CSNK1G1: variants seen among roughly 807,000 people sequenced by gnomAD.
CSNK1G1 encodes casein kinase 1 gamma 1.
Under a neutral mutation model 59.6 loss-of-function variants are expected in CSNK1G1, and 22 were observed. The ratio of observed to expected loss-of-function variants is 0.37; its 90% CI spans 0.26 to 0.53. CSNK1G1 has a LOEUF of 0.53. Among genes scored for constraint, CSNK1G1 ranks in the 20% least tolerant of loss-of-function variants. CSNK1G1 has a pLI of 0.89. For missense variants in CSNK1G1, 384 were observed against 519.5 expected (o/e 0.74, Z 2.54); for synonymous variants, 179 against 177.1 (o/e 1.01, Z -0.08).
intron 2 of CSNK1G1, among the ~76,000 whole-genome samples, chr15:64,261,017 A>G (rs963492035): frequency 1.3e-5 from 2 of 152,208 alleles, no homozygotes; most frequent in Non-Finnish European, 2.9e-5. Context: ...CAAGTCAAAA[A>G]TAGGCATTTC....
At chr15:64,331,836 AAAC>A (rs1897125750) in intron 1 of CSNK1G1, among the ~76,000 whole-genome samples, 1 of 150,250 alleles carries the variant, frequency 6.7e-6, no homozygotes, top group South Asian at 2.1e-4. Context: ...TACAAGAAAA[AAAC>A]AACCCCATCA....
intron 1 of CSNK1G1, among the ~76,000 whole-genome samples, chr15:64,315,044 A>C (rs1896198127): frequency 6.6e-6 from 1 of 152,224 alleles, no homozygotes; most frequent in Non-Finnish European, 1.5e-5. Context: ...TTTTTTGACA[A>C]ACCTCCATAC....
Position 64,200,597 on chromosome 15 carries a change from C to T in CSNK1G1, c.1107+2485G>A, listed in dbSNP as rs12906716. On this transcript the variant is annotated intron_variant, in intron 10 of 11. Coordinates refer to ENST00000303052, the MANE Select transcript of CSNK1G1 (RefSeq NM_022048.5). This position sits in a 1 kb window ranked among gnomAD's most constrained non-coding sequence, Gnocchi z 4.3. ...CTGACCTCAGGTGATCGACCCGCCT[C>T]GGCCTCCCAAAGTGCTGGGATTACA... 2.0e-5 allele frequency among the ~76,000 whole-genome samples: 3 copies of T among 152,184 alleles called. No individual in the cohort carries two copies. The highest frequency in any genetic ancestry group is 4.4e-5 in the Non-Finnish European group (3 of 68,036).
intron 1 of CSNK1G1, among the ~76,000 whole-genome samples, chr15:64,304,269 G>C (rs1465199881): frequency 6.6e-6 from 1 of 150,866 alleles, no homozygotes; most frequent in African/African-American, 2.4e-5. Flanking sequence ...TGTAATCCCA[G>C]CTACTTGGGT....
intron 4 of CSNK1G1, among the ~76,000 whole-genome samples, chr15:64,247,127 C>G (rs780972670): frequency 8.5e-5 from 13 of 152,088 alleles, no homozygotes; most frequent in Non-Finnish European, 1.8e-4. Flanking sequence ...AGAATACAAG[C>G]AAAACTGAGA....
chr15:64,236,041 G>A (rs1252577650), intron 4 of CSNK1G1, among the ~76,000 whole-genome samples: 1 of 151,518 alleles, frequency 6.6e-6, no homozygotes, highest in African/African-American at 2.4e-5. Context: ...TACTCGGGAG[G>A]CTGAGGCAGG....
intron 4 of CSNK1G1, among the ~76,000 whole-genome samples, chr15:64,229,576 C>T (rs1002511069): frequency 7.9e-5 from 12 of 152,026 alleles, no homozygotes; most frequent in Non-Finnish European, 1.2e-4. Flanking sequence ...CTGAAAGCAG[C>T]TCAGCCTGGA....
chr15:64,244,543 T>G lies in CSNK1G1; in HGVS notation c.292+6969A>C, dbSNP rs548165609. On this transcript the variant is annotated intron_variant, in intron 4 of 11. Coordinates refer to ENST00000303052, the MANE Select transcript of CSNK1G1 (RefSeq NM_022048.5). ...AGAAAAAACAATCCTAAAATTCTTA[T>G]GAAATCACAGAAGACTCTGAATAGC... Among the ~76,000 whole-genome samples, 3 of 152,186 alleles carry G rather than the reference T, an allele frequency of 2.0e-5. No individual in the cohort carries two copies. The East Asian group carries it at 5.8e-4, about 29-fold the overall frequency.
chr15:64,195,955 C>T (rs2082032649), intron 10 of CSNK1G1, among the ~76,000 whole-genome samples: 1 of 152,166 alleles, frequency 6.6e-6, no homozygotes, highest in South Asian at 2.1e-4. Context: ...CTTGGCCAGG[C>T]ATGGTAGCTC....
At chr15:64,272,181 G>C (rs571690191) in intron 2 of CSNK1G1, among the ~76,000 whole-genome samples, 2 of 151,686 alleles carry the variant, frequency 1.3e-5, no homozygotes, top group South Asian at 4.2e-4. Context: ...ACATACTATT[G>C]GGTCTTGCTT....
chr15:64,201,705 C>CGT (rs1567370144), intron 10 of CSNK1G1, among the ~76,000 whole-genome samples: 81 of 104,232 alleles, frequency 7.8e-4, no homozygotes, highest in African/African-American at 2.4e-3. Flanking sequence ...CTCCATTGGA[C>CGT]ATGTGTGTGT....
intron 7 of CSNK1G1, among the ~76,000 whole-genome samples, chr15:64,205,790 T>C (rs1175724405): frequency 2.0e-5 from 3 of 152,126 alleles, no homozygotes; most frequent in South Asian, 2.1e-4. Context: ...TTGAAAGCTA[T>C]AAAAATCAAT....
intron 2 of CSNK1G1, among the ~76,000 whole-genome samples, chr15:64,277,917 T>A (rs2140360855): frequency 6.9e-6 from 1 of 143,902 alleles, no homozygotes; most frequent in East Asian, 2.0e-4. Flanking sequence ...TATTTAATAA[T>A]AATATTGATA....
chr15:64,179,360 A>G (rs2081780986), intron 11 of CSNK1G1, among the ~76,000 whole-genome samples: 1 of 152,206 alleles, frequency 6.6e-6, no homozygotes, highest in African/African-American at 2.4e-5. Context: ...GCATCTCACT[A>G]ACTTACATTT....
intron 4 of CSNK1G1, among the ~76,000 whole-genome samples, chr15:64,241,019 G>A (rs573648423): frequency 6.4e-4 from 98 of 152,258 alleles, no homozygotes; most frequent in Middle Eastern, 3.4e-3. Context: ...TTCCTCACCT[G>A]TGAAAAATAG....
At chr15:64,245,444 T>C (rs1891700677) in intron 4 of CSNK1G1, among the ~76,000 whole-genome samples, 2 of 152,170 alleles carry the variant, frequency 1.3e-5, no homozygotes, top group African/African-American at 4.8e-5. Flanking sequence ...GATTTAAAAA[T>C]GGGCAAATGA....
chr15:64,253,460 G>A (rs2140321467), intron 3 of CSNK1G1, among the ~76,000 whole-genome samples: 1 of 152,274 alleles, frequency 6.6e-6, no homozygotes, highest in East Asian at 1.9e-4. Context: ...GAACCCTTGT[G>A]CACTGCTGAT....
chr15:64,289,658 A>G (rs1025829080), intron 2 of CSNK1G1, among the ~76,000 whole-genome samples: 10 of 152,320 alleles, frequency 6.6e-5, no homozygotes, highest in Middle Eastern at 3.4e-3. Context: ...TGAATGGGAG[A>G]AAATATTTGC....
chr15:64,253,738 AAAAGGAAATTCTGACACATGCTAC>A (rs1410419989), intron 3 of CSNK1G1, among the ~76,000 whole-genome samples: 3 of 152,228 alleles, frequency 2.0e-5, no homozygotes, highest in African/African-American at 2.4e-5. Context: ...TTCAACCTTA[AAAAGGAAATTCTGACACATGCTAC>A]AACACGGGCA....
Sources: gnomAD v4.1 joint callset for allele counts (sites outside exome capture counted in the v4.1 genomes callset) on GRCh38, gnomAD v4.1.1 for gene constraint, Gnocchi (gnomAD v3.1) non-coding constraint, MANE v1.5 for transcripts, NCBI Gene and HGNC (gene_info 2026-07-23, HGNC 2026-07-21) for gene names.